FBXW8: variants seen among roughly 807,000 people sequenced by gnomAD.
FBXW8 encodes the protein F-box and WD repeat domain containing 8, also known as F-box/WD repeat-containing protein 8.
FBXW8 carries 57 observed loss-of-function variants against 65.3 expected under a neutral mutation model. The ratio of observed to expected loss-of-function variants is 0.87; its 90% CI spans 0.71 to 1.09. FBXW8 has a LOEUF of 1.09. FBXW8 is among the 50% of genes least tolerant of loss of function. The pLI, the probability that FBXW8 is intolerant of heterozygous loss-of-function variation, is 0.00. For synonymous variants in FBXW8, 308 were observed against 330.2 expected, an observed-to-expected ratio of 0.93 and a Z score of 0.73; for missense variants, 777 against 814.8, an observed-to-expected ratio of 0.95 and a Z score of 0.57.
chr12:116,980,430 T>C (rs1258051171), intron 5 of FBXW8: 13 of 152,220 alleles, frequency 8.5e-5, no homozygotes, highest in Admixed American at 8.5e-4. Flanking sequence ...CTGAAACATA[T>C]GACAAGCATT....
At chr12:116,986,639 G>GACAAAAAAACA (rs1301109908) in intron 6 of FBXW8, 3 of 149,052 alleles carry the variant, frequency 2.0e-5, no homozygotes, top group African/African-American at 2.5e-5. Context: ...AAAAAAAAAA[G>GACAAAAAAACA]ACAAAAAAAC....
Position 116,953,798 on chromosome 12 carries a change from CAAAA to C in FBXW8, c.677+4093_677+4096del, listed in dbSNP as rs771230086. On this transcript the variant is annotated intron_variant, in intron 4 of 10. Transcript: ENST00000652555. ...AAAAAAAAAAGACAAAAAAACAAAACAAAACAAACAAACAAAAAACAAGAAAAAC... is the reference window on the plus strand; with the variant it reads ...AAAAAAAAAAGACAAAAAAACAAAACCAAACAAACAAAAAACAAGAAAAAC... Among the ~76,000 whole-genome samples the C allele has an allele frequency of 2.2e-4, 32 of 144,052 alleles. No homozygotes were observed. The East Asian group carries it at 6.2e-3, about 28-fold the overall frequency. The allele number at this position is 144,052 out of a possible 152,430, so 94.5% of individuals were successfully genotyped here.
chr12:117,008,759 A>G (rs1565939342), intron 7 of FBXW8, among the ~76,000 whole-genome samples: 3 of 145,322 alleles, frequency 2.1e-5, no homozygotes, highest in South Asian at 4.2e-4. Flanking sequence ...CATCACTCTC[A>G]TGTGTGTGCT....
At chr12:116,971,326 T>C (rs4767487) in intron 5 of FBXW8, among the ~76,000 whole-genome samples, 103,064 of 151,306 alleles carry the variant, frequency 0.68, 39,775 homozygotes, top group Non-Finnish European at 0.84. Context: ...CTCTGCTGCA[T>C]TTCTGCCTGG....
In FBXW8 at chr12:117,028,033, G is replaced by C. The variant is rs139880165; in HGVS notation, c.1658G>C (p.Arg553Pro). ...CATCTTTGTGCTCTTTCTAGACACC[G>C]GGGGCTGATCCGCGCCTATGAGTTT... ...LDSFTTHRRH[R>P]GLIRAYEFAV... The change falls in exon 11 of 11, where the codon CGG becomes CCG. Residue 553 changes from arginine (R) to proline (P), a missense_variant. Arg to Pro is a moderately radical substitution (Grantham distance 103, BLOSUM62 -2). Coordinates refer to ENST00000652555, the MANE Select transcript of FBXW8 (RefSeq NM_153348.3). The surrounding 1 kb of genome is among the most constrained non-coding windows in gnomAD (Gnocchi z 4.1). The C allele has an allele frequency of 6.2e-7, 1 of 1,613,772 alleles. No individual in the cohort carries two copies. Among genetic ancestry groups the C allele is most frequent in the East Asian group, 2.2e-5 (1 of 44,878 alleles).
chr12:116,969,614 G>T (rs1432616529), intron 5 of FBXW8, among the ~76,000 whole-genome samples: 1 of 152,078 alleles, frequency 6.6e-6, no homozygotes, highest in East Asian at 1.9e-4. Flanking sequence ...CGGAAAAGAA[G>T]AATAAGACAA....
At chr12:117,021,745 AT>A (rs151188000) in intron 8 of FBXW8, among the ~76,000 whole-genome samples, 1 of 151,782 alleles carries the variant, frequency 6.6e-6, no homozygotes, top group Non-Finnish European at 1.5e-5. Flanking sequence ...CTTCTTTCCG[AT>A]TTTTTTTAAC....
At chr12:116,995,421 G>A (rs768569307) in intron 7 of FBXW8, among the ~76,000 whole-genome samples, 1 of 152,184 alleles carries the variant, frequency 6.6e-6, no homozygotes, top group Non-Finnish European at 1.5e-5. Flanking sequence ...CAGTCCACTG[G>A]AGGATGCTGA....
Position 117,011,262 on chromosome 12 carries a change from C to T in FBXW8, c.1367+812C>T, listed in dbSNP as rs546509166. ...CCCGGGCTGCAGGTGGCGGGCTGCT[C>T]GGAGGCGGGTGTCAGATCGTGAGGC... On this transcript the variant is annotated intron_variant, in intron 8 of 10. Coordinates refer to ENST00000652555, the MANE Select transcript of FBXW8 (RefSeq NM_153348.3). Among the ~76,000 whole-genome samples, 278 of 151,572 alleles carry T rather than the reference C, an allele frequency of 1.8e-3. 1 individual carries two copies. The highest frequency in any genetic ancestry group is 2.4e-3 in the Non-Finnish European group (165 of 67,966).
At chr12:117,010,548 G>A in intron 8 of FBXW8, 98 bp downstream of exon 8, 1 of 1,539,200 alleles carries the variant, frequency 6.5e-7, no homozygotes, top group Non-Finnish European at 8.9e-7. Flanking sequence ...TCACTCAACA[G>A]CTCTGCCCAC....
chr12:116,915,648 T>C (rs1185043951), intron 1 of FBXW8, among the ~76,000 whole-genome samples: 1 of 99,358 alleles, frequency 1.0e-5, no homozygotes, highest in African/African-American at 4.5e-5. Context: ...TACTTTTTTT[T>C]TTTTTTTTTT....
At chr12:116,965,284 A>T (rs2137392287) in intron 5 of FBXW8, among the ~76,000 whole-genome samples, 1 of 152,380 alleles carries the variant, frequency 6.6e-6, no homozygotes, top group South Asian at 2.1e-4. Context: ...AATAAAAGTC[A>T]GTGCCTACCT....
intron 2 of FBXW8, among the ~76,000 whole-genome samples, chr12:116,944,320 C>T (rs1882791522): frequency 6.6e-6 from 1 of 152,086 alleles, no homozygotes; most frequent in African/African-American, 2.4e-5. Flanking sequence ...TTTAATCTGC[C>T]ATCCTGCAAA....
chr12:116,938,487 C>A (rs1424636369), intron 2 of FBXW8, among the ~76,000 whole-genome samples: 1 of 152,224 alleles, frequency 6.6e-6, no homozygotes, highest in Admixed American at 6.5e-5. Context: ...ATCCTGTAAC[C>A]CTGTTGTACA....
intron 6 of FBXW8, chr12:116,985,832 A>G (rs1428952349): frequency 6.4e-6 from 1 of 156,086 alleles, no homozygotes; most frequent in African/African-American, 2.4e-5. Flanking sequence ...CCATTCCTAC[A>G]CTTTCTTCAT....
At chr12:117,024,384 G>T (rs1954177295) in intron 9 of FBXW8, 64 bp downstream of exon 9, 1 of 1,585,604 alleles carries the variant, frequency 6.3e-7, no homozygotes, top group African/African-American at 1.3e-5. Context: ...GCACTAATCA[G>T]CCTGCACCAG....
chr12:117,009,540 G>C (rs1435592515), intron 7 of FBXW8, among the ~76,000 whole-genome samples: 2 of 152,186 alleles, frequency 1.3e-5, no homozygotes, highest in Non-Finnish European at 2.9e-5. Flanking sequence ...TTGAGGCAAG[G>C]ACTCTGTCCT....
intron 7 of FBXW8, among the ~76,000 whole-genome samples, chr12:116,995,588 C>T (rs1386374498): frequency 6.6e-6 from 1 of 152,144 alleles, no homozygotes. Flanking sequence ...TACGTCTTGC[C>T]TTGTAAGCTG....
chr12:116,989,480 C>A (rs980900223), intron 7 of FBXW8, among the ~76,000 whole-genome samples: 8 of 152,190 alleles, frequency 5.3e-5, no homozygotes, highest in Admixed American at 5.2e-4. Flanking sequence ...TAAAAAGGTG[C>A]ATCAGAATTC....
Sources: allele counts gnomAD v4.1 joint callset (sites outside exome capture counted in the v4.1 genomes callset), GRCh38; gene constraint gnomAD v4.1.1; non-coding constraint Gnocchi (gnomAD v3.1); transcripts MANE v1.5; gene names NCBI Gene and HGNC (gene_info 2026-07-23, HGNC 2026-07-21).